The following CDK18 variants were observed in gnomAD, a reference collection of about 807,000 sequenced individuals.
CDK18 encodes cyclin-dependent kinase 18.
Under a neutral mutation model 62.0 loss-of-function variants are expected in CDK18, and 52 were observed. That is an observed-to-expected ratio of 0.84 (90% CI 0.67 to 1.06). The LOEUF (loss-of-function observed/expected upper bound fraction) is 1.06. Ranked by LOEUF, CDK18 falls within the 50% of genes least tolerant of loss-of-function variation. CDK18 has a pLI of 0.00. For synonymous variants in CDK18, 237 were observed against 247.0 expected, an observed-to-expected ratio of 0.96 and a Z score of 0.38; for missense variants, 604 against 619.9, an observed-to-expected ratio of 0.97 and a Z score of 0.27.
intron 1 of CDK18, among the ~76,000 whole-genome samples, chr1:205,512,119 T>G (rs1667591832): frequency 6.6e-6 from 1 of 152,132 alleles, no homozygotes; most frequent in Admixed American, 6.5e-5. Flanking sequence ...AGAAGGCAGC[T>G]GCACCCAAGC....
rs779734880 is a variant in CDK18 at position 205,523,190 on chromosome 1, A to T, written c.23A>T (p.Asn8Ile). The change falls in exon 2 of 16, where the codon AAC becomes ATC. Residue 8 changes from asparagine to isoleucine, a missense_variant. Coordinates refer to ENST00000429964, the MANE Select transcript of CDK18 (RefSeq NM_212502.3). Reference sequence around the variant, plus strand: ...CTCATGATCATGAACAAGATGAAGAACTTTAAGCGCCGTTTCTCCCTGTCA... The same window carrying T: ...CTCATGATCATGAACAAGATGAAGATCTTTAAGCGCCGTTTCTCCCTGTCA... MIMNKMK[N>I]FKRRFSLSVP... is the part of the protein sequence containing the mutation. 4 of 1,613,188 alleles carry T rather than the reference A, an allele frequency of 2.5e-6. No homozygotes were observed. Among genetic ancestry groups the T allele is most frequent in the Non-Finnish European group, 3.4e-6 (4 of 1,179,422 alleles).
intron 13 of CDK18, 176 bp downstream of exon 13, chr1:205,529,739 A>C (rs928838924): frequency 6.5e-6 from 10 of 1,536,240 alleles, no homozygotes; most frequent in Admixed American, 2.0e-5. Context: ...CATCCTCTGG[A>C]GTCTGTGCAC....
chr1:205,514,385 CT>C (rs1346959309), intron 1 of CDK18, among the ~76,000 whole-genome samples: 3 of 152,088 alleles, frequency 2.0e-5, no homozygotes, highest in African/African-American at 7.2e-5. Flanking sequence ...CCCGGGGAGT[CT>C]GGGGCTGGGT....
Position 205,531,481 on chromosome 1 carries a change from C to A in CDK18, c.*103C>A. On this transcript the variant is annotated 3_prime_UTR_variant, in exon 16 of 16. Transcript: ENST00000429964. Reference sequence around the variant, plus strand: ...CCCTCGGAGGACTGAAGAACGAGGGCTGACAGCCAGCCTGGAAGACCGCTT... The same window carrying A: ...CCCTCGGAGGACTGAAGAACGAGGGATGACAGCCAGCCTGGAAGACCGCTT... 3 of 1,105,664 alleles carry A rather than the reference C, an allele frequency of 2.7e-6. No individual in the cohort carries two copies. The highest frequency in any genetic ancestry group is 1.8e-5 in the Admixed American group (1 of 56,520). 68.5% of individuals were successfully genotyped at this position (1,105,664 alleles called of 1,614,324 possible). A position where few individuals can be genotyped will look rare whatever the true frequency, so the allele number is the denominator to read the frequency against.
In CDK18 at chr1:205,529,476, C is replaced by T. The variant is rs1176023320; in HGVS notation, c.1179-45C>T. ...CCTCCTGCTGCGGCCCTGGCTCTCC[C>T]ATCCCCAATCAGGCACAGCCTGTGT... On this transcript the variant is annotated intron_variant, in intron 12 of 15. Transcript: ENST00000429964. 2.5e-6 allele frequency: 4 copies of T among 1,609,820 alleles called. No homozygotes were observed. In the Admixed American group the frequency reaches 6.7e-5, roughly 27 times the overall value.
At position 205,504,795 on chromosome 1, in the gene CDK18, C is replaced by A. The variant is rs1407211369; in HGVS notation, c.-23C>A. The A allele has an allele frequency of 6.6e-6, 1 of 152,320 alleles. No individual in the cohort carries two copies. Among genetic ancestry groups the A allele is most frequent in the African/African-American group, 2.4e-5 (1 of 41,466 alleles). 9.4% of individuals were successfully genotyped at this position (152,320 alleles called of 1,614,324 possible). ...CGCACCGCGGCCCCCAGGACACGCG[C>A]TGTGAGTCCCGCGGGCGGTGCGCCT... On this transcript the variant is annotated splice_region_variant and 5_prime_UTR_variant, in exon 1 of 16. It adds an upstream start codon to the 5' untranslated region. Coordinates refer to ENST00000429964, the MANE Select transcript of CDK18 (RefSeq NM_212502.3).
rs747475085 is a variant in CDK18, at chr1:205,529,423, C to T, written c.1172C>T (p.Ala391Val). The T allele has an allele frequency of 6.2e-7, 1 of 1,613,656 alleles. No individual in the cohort carries two copies. Among genetic ancestry groups the T allele is most frequent in the East Asian group, 2.2e-5 (1 of 44,874 alleles). ...CTCCCGCAGCCGCTCATCAACCACG[C>T]GCCCAGGTAGCCCCTGCGCCCGCCG... ...CYLPQPLINH[A>V]PRLDTDGIHL... The change falls in exon 12 of 16, where the codon GCG (alanine) becomes GTG (valine). Residue 391 changes from alanine (A) to valine (V), a missense_variant. Coordinates refer to ENST00000429964, the MANE Select transcript of CDK18 (RefSeq NM_212502.3).
At chr1:205,519,746 G>T (rs7527022) in intron 1 of CDK18, among the ~76,000 whole-genome samples, 32,168 of 152,036 alleles carry the variant, frequency 0.21, 3,537 homozygotes, top group South Asian at 0.32. Flanking sequence ...ACCTTAGGGA[G>T]AGCAGGTGTG....
In CDK18 at chr1:205,527,943, C is replaced by T. The variant is rs1668525715; in HGVS notation, c.853+26C>T. 6.2e-7 allele frequency: 1 copy of T among 1,613,644 alleles called. No homozygotes were observed. The highest frequency in any genetic ancestry group is 1.7e-5 in the Admixed American group (1 of 59,988). On this transcript the variant is annotated intron_variant, in intron 9 of 15. Coordinates refer to ENST00000429964, the MANE Select transcript of CDK18 (RefSeq NM_212502.3). This position sits in a 1 kb window ranked among gnomAD's most constrained non-coding sequence, Gnocchi z 4.1. ...GTGAGGCTGGGGCTAGGGTGGGGGT[C>T]TGACGCTACTGGGGTGCCTCAGGGT...
At position 205,529,545 on chromosome 1, in the gene CDK18, C is replaced by G; in HGVS notation, c.1203C>G (p.Leu401=). Residue 401 remains leucine, a synonymous_variant, in exon 13 of 16, where the codon CTC becomes CTG. Coordinates refer to ENST00000429964, the MANE Select transcript of CDK18 (RefSeq NM_212502.3). ...GGTTGGATACGGATGGCATCCACCT[C>G]CTGAGCAGCCTGCTCCTGGTGAGTG... is the stretch of plus-strand genomic sequence containing the variant. ...APRLDTDGIH[L]LSSLLLYESK... 1 of 1,613,010 alleles carries G rather than the reference C, an allele frequency of 6.2e-7. No homozygotes were observed. The highest frequency in any genetic ancestry group is 8.5e-7 in the Non-Finnish European group (1 of 1,179,472).
chr1:205,510,415 C>T (rs1667512166), intron 1 of CDK18, among the ~76,000 whole-genome samples: 1 of 152,172 alleles, frequency 6.6e-6, no homozygotes, highest in Non-Finnish European at 1.5e-5. Context: ...GCACTGGCTC[C>T]CAAACTCTGC....
At position 205,526,355 on chromosome 1, in the gene CDK18, G is replaced by A. The variant is rs764819389; in HGVS notation, c.572-12G>A. The stretch of plus-strand genomic sequence containing the variant: ...GGGTCCTAGGGACCCAGGTGGATCT[G>A]TCTCCTCACAGTGTCTCTGCTGAAG... On this transcript the variant is annotated splice_polypyrimidine_tract_variant and intron_variant, in intron 6 of 15. Transcript: ENST00000429964. 1.9e-6 allele frequency: 3 copies of A among 1,610,732 alleles called. No individual in the cohort carries two copies. The highest frequency in any genetic ancestry group is 2.5e-6 in the Non-Finnish European group (3 of 1,176,882).
chr1:205,528,149 T>C lies in CDK18; in HGVS notation c.955T>C (p.Ser319Pro). Residue 319 changes from serine (S) to proline (P), a missense_variant, in exon 10 of 16, where the codon TCC becomes CCC. Transcript: ENST00000429964. The surrounding 1 kb of genome is among the most constrained non-coding windows in gnomAD (Gnocchi z 4.2). ...PDVLLGSTEY[S>P]TPIDMWGVGC... Reference sequence around the variant, plus strand: ...TGTGCTGCTGGGATCCACAGAGTACTCCACCCCCATTGATATGTGGTGAGT... The same window carrying C: ...TGTGCTGCTGGGATCCACAGAGTACCCCACCCCCATTGATATGTGGTGAGT... 6.2e-7 allele frequency: 1 copy of C among 1,613,782 alleles called. No individual in the cohort carries two copies. The highest frequency in any genetic ancestry group is 8.5e-7 in the Non-Finnish European group (1 of 1,179,972).
At chr1:205,526,859 C>G (rs1458236945) in intron 8 of CDK18, 22 bp downstream of exon 8, 1 of 1,602,084 alleles carries the variant, frequency 6.2e-7, no homozygotes, top group Admixed American at 1.7e-5. Flanking sequence ...GGGGCAGGGT[C>G]CCCCCATCTT....
rs397982726 is a variant in CDK18, at chr1:205,527,484, G to GAAA, written c.730-296_730-294dup. Reference sequence around the variant, plus strand: ...ACAGAGTAAAACCCTGACTCTAAAAGAAAAAAAAAAAAAAAAGGGATCAAG... The same window carrying GAAA: ...ACAGAGTAAAACCCTGACTCTAAAAGAAAAAAAAAAAAAAAAAAAGGGATCAAG... On this transcript the variant is annotated intron_variant, in intron 8 of 15. Coordinates refer to ENST00000429964, the MANE Select transcript of CDK18 (RefSeq NM_212502.3). The surrounding 1 kb of genome is among the most constrained non-coding windows in gnomAD (Gnocchi z 4.1). 1.5e-3 allele frequency: 290 copies of GAAA among 190,094 alleles called. No homozygotes were observed. The highest frequency in any genetic ancestry group is 5.1e-3 in the South Asian group (58 of 11,374). The allele number at this position is 190,094 out of a possible 1,614,324, so 11.8% of individuals were successfully genotyped here. A position where few individuals can be genotyped will look rare whatever the true frequency, so the allele number is the denominator to read the frequency against.
rs1010443645 is a variant in CDK18 at position 205,523,468 on chromosome 1, G to T, written c.131-15G>T. On this transcript the variant is annotated splice_polypyrimidine_tract_variant and intron_variant, in intron 2 of 15. Coordinates refer to ENST00000429964, the MANE Select transcript of CDK18 (RefSeq NM_212502.3). ...CAGAGAGGCAGGGAGGGGAGCTGAC[G>T]CCTGTCCCTCTTAGACTTGCAGCTC... 8 of 1,596,772 alleles carry T rather than the reference G, an allele frequency of 5.0e-6. No individual in the cohort carries two copies. The highest frequency in any genetic ancestry group is 2.7e-5 in the African/African-American group (2 of 74,598).
At chr1:205,519,041 C>T (rs1162953754) in intron 1 of CDK18, among the ~76,000 whole-genome samples, 4 of 152,222 alleles carry the variant, frequency 2.6e-5, no homozygotes, top group Admixed American at 6.5e-5. Flanking sequence ...CCCTCTTCCC[C>T]TGGCACCAAT....
intron 1 of CDK18, among the ~76,000 whole-genome samples, chr1:205,513,984 G>A (rs888945781): frequency 1.3e-5 from 2 of 152,232 alleles, no homozygotes; most frequent in East Asian, 3.8e-4. Flanking sequence ...GAGGCCTCGA[G>A]TCCAGCTTTC....
rs533076680 is a variant in CDK18 at position 205,517,043 on chromosome 1, T to A, written c.-21-6104T>A. ...GTCCAGCCCCAAGGCAGGTATTAGG[T>A]CTGTGGCCTGGCACAGGTTGTCCCA... On this transcript the variant is annotated intron_variant, in intron 1 of 15. Transcript: ENST00000429964. The surrounding 1 kb of genome is among the most constrained non-coding windows in gnomAD (Gnocchi z 4.1). 50 of 152,342 alleles carry A rather than the reference T, an allele frequency of 3.3e-4. 1 individual carries two copies. In the South Asian group the frequency reaches 0.01, roughly 31 times the overall value. 9.4% of individuals were successfully genotyped at this position (152,342 alleles called of 1,614,324 possible).
Sources: allele counts gnomAD v4.1 joint callset (sites outside exome capture counted in the v4.1 genomes callset), GRCh38; gene constraint gnomAD v4.1.1; non-coding constraint Gnocchi (gnomAD v3.1); transcripts MANE v1.5; gene names NCBI Gene and HGNC (gene_info 2026-07-23, HGNC 2026-07-21).